The following FAM219A variants were observed in gnomAD, a reference collection of about 807,000 sequenced individuals.
The protein encoded by FAM219A is protein FAM219A.
A neutral mutation model predicts 23.4 loss-of-function variants in FAM219A; 7 were observed. The ratio of observed to expected loss-of-function variants is 0.30; its 90% CI spans 0.17 to 0.56. The LOEUF (loss-of-function observed/expected upper bound fraction) is 0.56. Ranked by LOEUF, FAM219A falls within the 20% of genes least tolerant of loss-of-function variation. FAM219A has a pLI of 0.92. For missense variants in FAM219A, 166 were observed against 246.9 expected, an observed-to-expected ratio of 0.67 and a Z score of 2.20; for synonymous variants, 93 against 99.0, an observed-to-expected ratio of 0.94 and a Z score of 0.36.
intron 1 of FAM219A, among the ~76,000 whole-genome samples, chr9:34,421,121 G>A (rs1822266916): frequency 1.3e-5 from 2 of 151,774 alleles, no homozygotes; most frequent in African/African-American, 2.4e-5. Flanking sequence ...GGCCTGTTCC[G>A]TGCAGCAGGG....
chr9:34,425,125 T>C (rs1033374139), intron 1 of FAM219A, among the ~76,000 whole-genome samples: 1 of 152,268 alleles, frequency 6.6e-6, no homozygotes, highest in South Asian at 2.1e-4. Context: ...TTTATTATTA[T>C]TATTCCTTAT....
chr9:34,416,990 G>C (rs1401638895), intron 1 of FAM219A, among the ~76,000 whole-genome samples: 1 of 151,688 alleles, frequency 6.6e-6, no homozygotes, highest in Non-Finnish European at 1.5e-5. Context: ...ACTGCACCTA[G>C]CTTTATCTTC....
intron 1 of FAM219A, among the ~76,000 whole-genome samples, chr9:34,441,690 G>A (rs146543450): frequency 1.3e-5 from 2 of 152,116 alleles, no homozygotes; most frequent in African/African-American, 4.8e-5. Flanking sequence ...TGACAGTCAA[G>A]GGCTGTAAAA....
intron 1 of FAM219A, among the ~76,000 whole-genome samples, chr9:34,437,302 G>C (rs1244004673): frequency 6.6e-6 from 1 of 152,208 alleles, no homozygotes; most frequent in East Asian, 1.9e-4. Flanking sequence ...ACTACGTTAT[G>C]ATCTGGAGGC....
At chr9:34,423,305 TG>T (rs757991961) in intron 1 of FAM219A, among the ~76,000 whole-genome samples, 4 of 152,112 alleles carry the variant, frequency 2.6e-5, no homozygotes, top group Non-Finnish European at 5.9e-5. Context: ...TATCCCACTC[TG>T]GGGAATTAGG....
rs562836166 is a variant in FAM219A, at chr9:34,441,959, A to G, written c.60+16245T>C. Among the ~76,000 whole-genome samples the G allele has an allele frequency of 3.5e-4, 54 of 152,310 alleles. No homozygotes were observed. The South Asian group carries it at 0.011, about 31-fold the overall frequency. On this transcript the variant is annotated intron_variant, in intron 1 of 5. Transcript: ENST00000651358. ...GACTGGTTTCGAACTCCTGGCCTCA[A>G]GTGATCCTCCTGCCTTGGCCACCCA...
chr9:34,458,130 C>A lies in FAM219A; in HGVS notation c.60+74G>T. On this transcript the variant is annotated intron_variant, in intron 1 of 5. Coordinates refer to ENST00000651358, the MANE Select transcript of FAM219A (RefSeq NM_001184940.2). This position sits in a 1 kb window ranked among gnomAD's most constrained non-coding sequence, Gnocchi z 6.6. ...GATGGCGCCCCTCCGCACGATCCCC[C>A]CGGCCTGATTCCCTCCCTCCCCCTC... 5.0e-6 allele frequency: 7 copies of A among 1,410,400 alleles called. No individual in the cohort carries two copies. Among genetic ancestry groups the A allele is most frequent in the Non-Finnish European group, 6.6e-6 (7 of 1,055,732 alleles). 87.4% of individuals were successfully genotyped at this position (1,410,400 alleles called of 1,614,324 possible).
intron 1 of FAM219A, among the ~76,000 whole-genome samples, chr9:34,447,964 C>G (rs1039807987): frequency 6.6e-6 from 1 of 151,812 alleles, no homozygotes; most frequent in Non-Finnish European, 1.5e-5. Context: ...CTCGAACTCC[C>G]GGGCTCAAGC....
At chr9:34,404,737 A>C (rs1025610267) in intron 2 of FAM219A, among the ~76,000 whole-genome samples, 4 of 148,804 alleles carry the variant, frequency 2.7e-5, no homozygotes, top group South Asian at 4.3e-4. Flanking sequence ...CAACAACAAC[A>C]ACCAACACCC....
chr9:34,426,177 G>C (rs1482169683), intron 1 of FAM219A, among the ~76,000 whole-genome samples: 1 of 152,062 alleles, frequency 6.6e-6, no homozygotes, highest in Non-Finnish European at 1.5e-5. Context: ...GTAGGATCCT[G>C]AATTTTTTAT....
Position 34,458,291 on chromosome 9 carries a change from C to T in FAM219A, c.-28G>A. The T allele has an allele frequency of 2.9e-6, 4 of 1,376,280 alleles. No individual in the cohort carries two copies. Among genetic ancestry groups the T allele is most frequent in the South Asian group, 3.5e-5 (2 of 56,542 alleles). The allele number at this position is 1,376,280 out of a possible 1,614,324, so 85.3% of individuals were successfully genotyped here. ...TGCCGGCGGGCGAGCGGGCCAGGGGCCGGGCGCGGCCGCGGACGCCGACAG... is the reference window on the plus strand; with the variant it reads ...TGCCGGCGGGCGAGCGGGCCAGGGGTCGGGCGCGGCCGCGGACGCCGACAG... On this transcript the variant is annotated 5_prime_UTR_variant, in exon 1 of 6. Coordinates refer to ENST00000651358, the MANE Select transcript of FAM219A (RefSeq NM_001184940.2). The surrounding 1 kb of genome is among the most constrained non-coding windows in gnomAD (Gnocchi z 6.6).
intron 1 of FAM219A, among the ~76,000 whole-genome samples, chr9:34,420,586 C>T (rs562032362): frequency 8.6e-4 from 131 of 152,178 alleles, no homozygotes; most frequent in African/African-American, 3.1e-3. Context: ...AACAGATAAC[C>T]CAAAGGAAGG....
intron 5 of FAM219A, 59 bp downstream of exon 5, chr9:34,401,607 C>T: frequency 1.3e-6 from 2 of 1,573,590 alleles, no homozygotes; most frequent in South Asian, 1.2e-5. Flanking sequence ...CCAGCCCTCC[C>T]CCGGGATGGC....
intron 1 of FAM219A, among the ~76,000 whole-genome samples, chr9:34,445,577 TAGAA>T (rs1392594738): frequency 2.0e-5 from 3 of 152,300 alleles, no homozygotes; most frequent in African/African-American, 7.2e-5. Flanking sequence ...CTGGACTTAC[TAGAA>T]AGAAAGTTGG....
intron 1 of FAM219A, among the ~76,000 whole-genome samples, chr9:34,410,383 T>C (rs1361643469): frequency 2.6e-5 from 4 of 152,012 alleles, no homozygotes; most frequent in African/African-American, 4.8e-5. Flanking sequence ...AAAACCAAAG[T>C]GTGGAACCTT....
chr9:34,441,892 G>A (rs954706542), intron 1 of FAM219A, among the ~76,000 whole-genome samples: 1 of 151,968 alleles, frequency 6.6e-6, no homozygotes, highest in African/African-American at 2.4e-5. Context: ...CCTAATTTTT[G>A]TATTATTTTT....
chr9:34,457,794 C>T lies in FAM219A; in HGVS notation c.60+410G>A, dbSNP rs1025294147. ...TGATTCCCAATCTCTCTTAGCCTGACGGCTCCCCCGCCCTAAGCATCACAG... is the reference window on the plus strand; with the variant it reads ...TGATTCCCAATCTCTCTTAGCCTGATGGCTCCCCCGCCCTAAGCATCACAG... On this transcript the variant is annotated intron_variant, in intron 1 of 5. Transcript: ENST00000651358. This position sits in a 1 kb window ranked among gnomAD's most constrained non-coding sequence, Gnocchi z 5.1. 1.3e-5 allele frequency among the ~76,000 whole-genome samples: 2 copies of T among 151,686 alleles called. No homozygotes were observed. The highest frequency in any genetic ancestry group is 4.8e-5 in the African/African-American group (2 of 41,410).
chr9:34,456,462 T>C (rs955333598), intron 1 of FAM219A, among the ~76,000 whole-genome samples: 3 of 152,242 alleles, frequency 2.0e-5, no homozygotes, highest in Non-Finnish European at 2.9e-5. Flanking sequence ...TCCTTCCTTT[T>C]TGAGAACCCC....
intron 1 of FAM219A, among the ~76,000 whole-genome samples, chr9:34,447,372 G>A (rs773668111): frequency 3.9e-5 from 6 of 152,180 alleles, no homozygotes; most frequent in Non-Finnish European, 8.8e-5. Context: ...CAATATTATG[G>A]GTAGTGGCAG....
Sources: allele counts gnomAD v4.1 joint callset (sites outside exome capture counted in the v4.1 genomes callset), GRCh38; gene constraint gnomAD v4.1.1; non-coding constraint Gnocchi (gnomAD v3.1); transcripts MANE v1.5; gene names NCBI Gene and HGNC (gene_info 2026-07-23, HGNC 2026-07-21).